The following BCAP29 variants were observed in gnomAD, a reference collection of about 807,000 sequenced individuals.
BCAP29 encodes B cell receptor associated protein 29, also known as B-cell receptor-associated protein 29.
A neutral mutation model predicts 31.8 loss-of-function variants in BCAP29; 34 were observed. The observed-to-expected ratio is 1.07, with a 90% CI of 0.81 to 1.42. The LOEUF (loss-of-function observed/expected upper bound fraction) is 1.42, where lower values mean the gene tolerates loss of function less well. BCAP29 is among the 40% of genes most tolerant of loss of function. The probability of loss-of-function intolerance (pLI) is 0.00; values close to 1 mark genes in which losing one functional copy is unlikely to be tolerated. For synonymous variants in BCAP29, 104 were observed against 91.3 expected, an observed-to-expected ratio of 1.14 and a Z score of -0.79; for missense variants, 314 against 269.2, an observed-to-expected ratio of 1.17 and a Z score of -1.16.
intron 7 of BCAP29, 126 bp from the exon 8 acceptor site, chr7:107,618,202 T>G (rs1303968233): frequency 1.5e-6 from 1 of 675,494 alleles, no homozygotes; most frequent in Non-Finnish European, 2.3e-6. Context: ...TCTCAATCCT[T>G]TTTTTCACAT....
At chr7:107,594,553 G>T (rs1170613412) in intron 4 of BCAP29, among the ~76,000 whole-genome samples, 1 of 152,042 alleles carries the variant, frequency 6.6e-6, no homozygotes, top group Non-Finnish European at 1.5e-5. Context: ...CCAGACTGGA[G>T]TGCAGTGGCG....
chr7:107,581,671 A>G (rs1334022690), intron 2 of BCAP29, among the ~76,000 whole-genome samples: 1 of 152,206 alleles, frequency 6.6e-6, no homozygotes, highest in East Asian at 1.9e-4. Flanking sequence ...CCTAGAGATA[A>G]CCCACTAAAG....
intron 6 of BCAP29, among the ~76,000 whole-genome samples, chr7:107,606,670 T>G (rs374726297): frequency 1.1e-4 from 16 of 152,202 alleles, no homozygotes; most frequent in East Asian, 5.8e-4. Context: ...ACAGAACCAA[T>G]TCTCATTAGT....
chr7:107,610,780 T>C (rs1049434247), intron 6 of BCAP29, among the ~76,000 whole-genome samples: 1 of 152,208 alleles, frequency 6.6e-6, no homozygotes, highest in African/African-American at 2.4e-5. Context: ...CTAGCTTCTT[T>C]TAAAAAGGAA....
chr7:107,600,472 A>G lies in BCAP29; in HGVS notation c.556A>G (p.Lys186Glu), dbSNP rs140300975. 2.3e-5 allele frequency: 37 copies of G among 1,606,576 alleles called. No individual in the cohort carries two copies. The highest frequency in any genetic ancestry group is 2.3e-5 in the Non-Finnish European group (27 of 1,174,610). Residue 186 changes from lysine to glutamate, a missense_variant, in exon 6 of 8, where the codon AAA (lysine) becomes GAA (glutamate). Coordinates refer to ENST00000005259, the MANE Select transcript of BCAP29 (RefSeq NM_018844.4). ...ENKKLVEDQE[K>E]LKTELRKTSD... ...TAAAAAACTAGTAGAAGACCAGGAG[A>G]AACTGAAAACTGAATTAAGGAAGAC...
chr7:107,609,226 G>C (rs1346869735), intron 6 of BCAP29, among the ~76,000 whole-genome samples: 1 of 152,214 alleles, frequency 6.6e-6, no homozygotes, highest in African/African-American at 2.4e-5. Flanking sequence ...AAGGCAACTG[G>C]AGTGTAAAAG....
At chr7:107,620,714 CTTG>C (rs766268131), downstream of BCAP29, 1 of 152,124 alleles carries the variant, frequency 6.6e-6, no homozygotes, top group Non-Finnish European at 1.5e-5. Flanking sequence ...ATGAGTTATC[CTTG>C]TTGTTTGTCC....
chr7:107,600,554 A>T (rs1234968081), intron 6 of BCAP29, 49 bp downstream of exon 6: 1 of 1,126,482 alleles, frequency 8.9e-7, no homozygotes, highest in South Asian at 1.3e-5. Flanking sequence ...ATGATATTTT[A>T]TGCTGTACAC....
chr7:107,580,827 A>AT lies in BCAP29; in HGVS notation c.59dup (p.Leu20PhefsTer20), dbSNP rs1234545073. 6.3e-7 allele frequency: 1 copy of AT among 1,590,178 alleles called. No individual in the cohort carries two copies. The highest frequency in any genetic ancestry group is 8.5e-7 in the Non-Finnish European group (1 of 1,170,244). ...CTTTCTTTATGCCGAAATAGGACTC[A>AT]TTTTAATCTTCTGCCTACCTTTTAT... On this transcript the variant is annotated frameshift_variant, in exon 2 of 8. Transcript: ENST00000005259. LOFTEE classifies it high-confidence loss of function.
intron 5 of BCAP29, among the ~76,000 whole-genome samples, chr7:107,597,843 G>A (rs183295964): frequency 1.6e-4 from 24 of 152,156 alleles, no homozygotes; most frequent in Non-Finnish European, 3.5e-4. Flanking sequence ...TTCAGTTAAA[G>A]AAATGAAATA....
chr7:107,613,297 CT>C, intron 6 of BCAP29, 34 bp from the exon 7 acceptor site: 1 of 1,488,206 alleles, frequency 6.7e-7, no homozygotes, highest in Non-Finnish European at 9.3e-7. Context: ...TGAAATTATT[CT>C]GAAATAAAAA....
chr7:107,593,626 A>G lies in BCAP29; in HGVS notation c.194-329A>G, dbSNP rs117266035. On this transcript the variant is annotated intron_variant, in intron 3 of 7. Coordinates refer to ENST00000005259, the MANE Select transcript of BCAP29 (RefSeq NM_018844.4). ...GACATCTGTCATTGTCAATAGGCTG[A>G]ATTTTAGTCATCTTAGAGACAGAAA... is the stretch of plus-strand genomic sequence containing the variant. Among the ~76,000 whole-genome samples, 36 of 152,348 alleles carry G rather than the reference A, an allele frequency of 2.4e-4. No individual in the cohort carries two copies. In the East Asian group the frequency reaches 6.9e-3, roughly 29 times the overall value.
chr7:107,602,184 A>G (rs1258362434), intron 6 of BCAP29, among the ~76,000 whole-genome samples: 3 of 151,958 alleles, frequency 2.0e-5, no homozygotes, highest in South Asian at 2.1e-4. Context: ...GTAAAGGCAG[A>G]TTTTACCTGT....
chr7:107,584,430 C>T (rs577117489), intron 3 of BCAP29, among the ~76,000 whole-genome samples: 3 of 152,142 alleles, frequency 2.0e-5, no homozygotes, highest in Non-Finnish European at 2.9e-5. Context: ...TAAACATGGC[C>T]GGGCGAGGTG....
At chr7:107,613,845 C>T in intron 7 of BCAP29, 2 of 707,896 alleles carry the variant, frequency 2.8e-6, no homozygotes, top group South Asian at 4.2e-5. Flanking sequence ...TAGGACAAGA[C>T]TTTAGCATTC....
At chr7:107,580,528 A>T (rs1806413989) in intron 1 of BCAP29, 1 of 443,022 alleles carries the variant, frequency 2.3e-6, no homozygotes, top group Non-Finnish European at 4.0e-6. Flanking sequence ...GCTGGCGGAA[A>T]AGGCAGTGGC....
intron 6 of BCAP29, among the ~76,000 whole-genome samples, chr7:107,608,583 G>A (rs866342048): frequency 3.3e-5 from 5 of 151,536 alleles, no homozygotes; most frequent in Non-Finnish European, 7.4e-5. Flanking sequence ...CAATGTTTAG[G>A]GATTTTTTTT....
At chr7:107,580,627 T>C (rs1806442678) in intron 1 of BCAP29, 132 bp from the exon 2 acceptor site, 2 of 614,302 alleles carry the variant, frequency 3.3e-6, no homozygotes, top group Non-Finnish European at 5.6e-6. Flanking sequence ...CTGACCGGGG[T>C]CCGTGCTTGC....
intron 3 of BCAP29, among the ~76,000 whole-genome samples, chr7:107,588,859 A>G (rs1250747993): frequency 6.6e-6 from 1 of 152,214 alleles, no homozygotes; most frequent in African/African-American, 2.4e-5. Flanking sequence ...GATGTGTAGG[A>G]AAGATTCCAA....
Sources: allele counts gnomAD v4.1 joint callset (sites outside exome capture counted in the v4.1 genomes callset), GRCh38; gene constraint gnomAD v4.1.1; transcripts MANE v1.5; gene names NCBI Gene and HGNC (gene_info 2026-07-23, HGNC 2026-07-21).